MAST2: variants seen among roughly 807,000 people sequenced by gnomAD.
The protein encoded by MAST2 is microtubule associated serine/threonine kinase 2.
A neutral mutation model predicts 147.4 loss-of-function variants in MAST2; 70 were observed. That is an observed-to-expected ratio of 0.47 (90% CI 0.39 to 0.58). MAST2 has a LOEUF of 0.58. Ranked by LOEUF, MAST2 falls within the 20% of genes least tolerant of loss-of-function variation. MAST2 has a pLI of 0.00. For synonymous variants in MAST2, 869 were observed against 896.8 expected (o/e 0.97, Z 0.55); for missense variants, 2,080 against 2,302.3 (o/e 0.90, Z 1.98).
chr1:45,855,549 A>C (rs1645759723), intron 3 of MAST2, among the ~76,000 whole-genome samples: 1 of 152,050 alleles, frequency 6.6e-6, no homozygotes, highest in Non-Finnish European at 1.5e-5. Flanking sequence ...ATTTATTTCA[A>C]GTGGGGTTGA....
Position 46,023,162 on chromosome 1 carries a change from A to G in MAST2, c.1486-71A>G. ...GAGCTGACAGCTGAGAAGATGCTAG[A>G]GCCACAGCTTCTGCAAGGATATGGG... On this transcript the variant is annotated intron_variant, in intron 13 of 28. Coordinates refer to ENST00000361297, the MANE Select transcript of MAST2 (RefSeq NM_015112.3). This position sits in a 1 kb window ranked among gnomAD's most constrained non-coding sequence, Gnocchi z 4.9. 7.1e-7 allele frequency: 1 copy of G among 1,410,444 alleles called. No homozygotes were observed. The highest frequency in any genetic ancestry group is 1.0e-6 in the Non-Finnish European group (1 of 994,566). 87.4% of individuals were successfully genotyped at this position (1,410,444 alleles called of 1,614,324 possible).
chr1:45,866,987 G>A (rs1205861456), intron 3 of MAST2, among the ~76,000 whole-genome samples: 1 of 152,028 alleles, frequency 6.6e-6, no homozygotes, highest in Non-Finnish European at 1.5e-5. Context: ...CTGACCTCAG[G>A]TGATCCACCC....
At chr1:45,965,643 A>G (rs1460643960) in intron 5 of MAST2, among the ~76,000 whole-genome samples, 3 of 152,194 alleles carry the variant, frequency 2.0e-5, no homozygotes, top group Non-Finnish European at 4.4e-5. Context: ...TCTACTACAT[A>G]AGTAGGTTAC....
In MAST2 at chr1:46,028,684, G is replaced by A. The variant is rs373873850; in HGVS notation, c.2053-84G>A. ...TCTTCATTCAGAGATTCTTCTGCTC[G>A]AGATGGGAGCATCCCCCATCTCCGG... On this transcript the variant is annotated intron_variant, in intron 17 of 28. Transcript: ENST00000361297. 35 of 1,429,166 alleles carry A rather than the reference G, an allele frequency of 2.4e-5. No individual in the cohort carries two copies. In the African/African-American group the frequency reaches 2.8e-4, roughly 12 times the overall value. 88.5% of individuals were successfully genotyped at this position (1,429,166 alleles called of 1,614,324 possible). A position where few individuals can be genotyped will look rare whatever the true frequency, so the allele number is the denominator to read the frequency against.
intron 6 of MAST2, among the ~76,000 whole-genome samples, chr1:46,000,556 C>G (rs866440131): frequency 2.6e-4 from 40 of 152,298 alleles, no homozygotes; most frequent in Middle Eastern, 6.8e-3. Context: ...TTTTTTACCA[C>G]TGAGACCCAA....
chr1:45,832,790 G>T (rs1259832340), intron 3 of MAST2, among the ~76,000 whole-genome samples: 1 of 151,910 alleles, frequency 6.6e-6, no homozygotes, highest in East Asian at 1.9e-4. Flanking sequence ...AGTTTATTGA[G>T]ATATAATTCA....
chr1:46,023,451 C>T lies in MAST2; in HGVS notation c.1571+133C>T, dbSNP rs954136661. ...GGACCTTCTCACTCCCAGAAGCCTC[C>T]TGGGTGGGCAGGAGTTCAGATTCCT... On this transcript the variant is annotated intron_variant, in intron 14 of 28. Coordinates refer to ENST00000361297, the MANE Select transcript of MAST2 (RefSeq NM_015112.3). This position sits in a 1 kb window ranked among gnomAD's most constrained non-coding sequence, Gnocchi z 4.9. 6 of 798,634 alleles carry T rather than the reference C, an allele frequency of 7.5e-6. No individual in the cohort carries two copies. The highest frequency in any genetic ancestry group is 1.3e-5 in the Non-Finnish European group (6 of 477,578). The allele number at this position is 798,634 out of a possible 1,614,324, so 49.5% of individuals were successfully genotyped here.
intron 4 of MAST2, among the ~76,000 whole-genome samples, chr1:45,886,420 A>T (rs1182978867): frequency 6.6e-6 from 1 of 151,826 alleles, no homozygotes; most frequent in Non-Finnish European, 1.5e-5. Context: ...AACATCATCT[A>T]TGCCTGCCAC....
chr1:45,981,866 A>G (rs1408306652), intron 5 of MAST2, among the ~76,000 whole-genome samples: 1 of 149,210 alleles, frequency 6.7e-6, no homozygotes, highest in Non-Finnish European at 1.5e-5. Context: ...TTTTTGAAAG[A>G]GTCTTGCTCT....
At chr1:45,898,459 C>G (rs191802487) in intron 4 of MAST2, among the ~76,000 whole-genome samples, 1 of 152,298 alleles carries the variant, frequency 6.6e-6, no homozygotes, top group East Asian at 1.9e-4. Flanking sequence ...GTTCCTTGGT[C>G]TGAAGAATGA....
chr1:45,894,856 T>A (rs943115123), intron 4 of MAST2, among the ~76,000 whole-genome samples: 2 of 152,212 alleles, frequency 1.3e-5, no homozygotes, highest in South Asian at 4.1e-4. Context: ...TTTAGTGTTA[T>A]CATCAAATGA....
intron 1 of MAST2, 79 bp from the exon 2 acceptor site, chr1:45,824,354 G>C: frequency 9.0e-7 from 1 of 1,112,506 alleles, no homozygotes; most frequent in Non-Finnish European, 1.3e-6. Context: ...AGTGAATGCT[G>C]TAGAGATGTT....
rs370970616 is a variant in MAST2, at chr1:46,033,918, C to G, written c.3654C>G (p.Arg1218=). 1 of 1,614,124 alleles carries G rather than the reference C, an allele frequency of 6.2e-7. No homozygotes were observed. Among genetic ancestry groups the G allele is most frequent in the Non-Finnish European group, 8.5e-7 (1 of 1,179,994 alleles). ...AKMARRSKRS[R]GKDGQESRKR... is the part of the protein sequence containing the mutation. ...TGGCCCGAAGGAGCAAGAGGAGCCG[C>G]GGCAAGGATGGGCAAGAAAGGTGAG... Residue 1218 remains arginine (R), a synonymous_variant, in exon 27 of 29, where the codon CGC becomes CGG. Transcript: ENST00000361297.
Position 46,022,919 on chromosome 1 carries a change from A to G in MAST2, c.1433A>G (p.Gln478Arg). 6.2e-7 allele frequency: 1 copy of G among 1,614,148 alleles called. No homozygotes were observed. Among genetic ancestry groups the G allele is most frequent in the Non-Finnish European group, 8.5e-7 (1 of 1,179,968 alleles). The change falls in exon 13 of 29, where the codon CAG becomes CGG. Residue 478 changes from glutamine (Q) to arginine (R), a missense_variant. Coordinates refer to ENST00000361297, the MANE Select transcript of MAST2 (RefSeq NM_015112.3). ...LTRDPLEEMA[Q>R]LSSCDSPDTP... ...GTATCTTTGTTTCCAGAAATGGCCCAGTTGAGCAGCTGTGACAGTCCTGAC... is the reference window on the plus strand; with the variant it reads ...GTATCTTTGTTTCCAGAAATGGCCCGGTTGAGCAGCTGTGACAGTCCTGAC...
At chr1:45,905,799 A>C (rs1397719154) in intron 4 of MAST2, among the ~76,000 whole-genome samples, 1 of 151,860 alleles carries the variant, frequency 6.6e-6, no homozygotes, top group African/African-American at 2.4e-5. Context: ...TGCCAAACTT[A>C]GATTTAGGAT....
chr1:46,013,146 CATTT>C (rs369847052), intron 10 of MAST2, among the ~76,000 whole-genome samples: 2 of 152,170 alleles, frequency 1.3e-5, no homozygotes, highest in African/African-American at 4.8e-5. Flanking sequence ...TGCATTACCT[CATTT>C]AATTTATCTG....
intron 3 of MAST2, among the ~76,000 whole-genome samples, chr1:45,849,063 C>T (rs1645536596): frequency 6.6e-6 from 1 of 152,144 alleles, no homozygotes; most frequent in Non-Finnish European, 1.5e-5. Flanking sequence ...TTAGAAGACA[C>T]TGCTCAAGGA....
chr1:45,815,934 A>G (rs1644437114), intron 1 of MAST2, among the ~76,000 whole-genome samples: 1 of 152,194 alleles, frequency 6.6e-6, no homozygotes, highest in Non-Finnish European at 1.5e-5. Context: ...ATCAACATCT[A>G]ACTAGTCCCT....
chr1:45,928,629 T>A (rs1301698593), intron 4 of MAST2, among the ~76,000 whole-genome samples: 1 of 151,620 alleles, frequency 6.6e-6, no homozygotes, highest in Non-Finnish European at 1.5e-5. Flanking sequence ...TTGCCCAGGC[T>A]GGAGTGCAGT....
Sources: allele counts gnomAD v4.1 joint callset (sites outside exome capture counted in the v4.1 genomes callset), GRCh38; gene constraint gnomAD v4.1.1; non-coding constraint Gnocchi (gnomAD v3.1); transcripts MANE v1.5; gene names NCBI Gene and HGNC (gene_info 2026-07-23, HGNC 2026-07-21).